AHCYL2: variants seen among roughly 807,000 people sequenced by gnomAD.
AHCYL2 encodes the protein S-adenosylhomocysteine hydrolase-like protein 2.
A neutral mutation model predicts 81.4 loss-of-function variants in AHCYL2; 28 were observed. The observed-to-expected ratio is 0.34, with a 90% CI of 0.25 to 0.47. The LOEUF (loss-of-function observed/expected upper bound fraction) is 0.47, where lower values mean the gene tolerates loss of function less well. AHCYL2 is among the 20% of genes least tolerant of loss of function. The probability of loss-of-function intolerance (pLI) is 1.00; values close to 1 mark genes in which losing one functional copy is unlikely to be tolerated. For synonymous variants in AHCYL2, 272 were observed against 290.2 expected, an observed-to-expected ratio of 0.94 and a Z score of 0.64; for missense variants, 551 against 785.1, an observed-to-expected ratio of 0.70 and a Z score of 3.56.
intron 1 of AHCYL2, among the ~76,000 whole-genome samples, chr7:129,271,268 G>A (rs1180424128): frequency 6.8e-6 from 1 of 147,774 alleles, no homozygotes; most frequent in Non-Finnish European, 1.5e-5. Flanking sequence ...GGCTAAGGCA[G>A]AAGAATGGCG....
At chr7:129,297,689 G>A (rs1381974802) in intron 1 of AHCYL2, among the ~76,000 whole-genome samples, 1 of 152,024 alleles carries the variant, frequency 6.6e-6, no homozygotes, top group African/African-American at 2.4e-5. Context: ...ATGAGTGAAA[G>A]TATATGGTGT....
At chr7:129,346,373 A>G (rs1793361532) in intron 1 of AHCYL2, among the ~76,000 whole-genome samples, 1 of 152,148 alleles carries the variant, frequency 6.6e-6, no homozygotes, top group Non-Finnish European at 1.5e-5. Flanking sequence ...GAGAGAAAAT[A>G]TTTGCATAAG....
At chr7:129,321,240 C>G (rs757568167) in intron 1 of AHCYL2, among the ~76,000 whole-genome samples, 3 of 152,100 alleles carry the variant, frequency 2.0e-5, no homozygotes, top group Non-Finnish European at 4.4e-5. Flanking sequence ...GATTCTTGTT[C>G]TCAATGTTAA....
At chr7:129,255,721 G>A (rs766173210) in intron 1 of AHCYL2, among the ~76,000 whole-genome samples, 1 of 152,168 alleles carries the variant, frequency 6.6e-6, no homozygotes, top group Non-Finnish European at 1.5e-5. Context: ...GGTGGTCCAC[G>A]CCTGTAATCC....
chr7:129,358,357 A>G (rs917309350), intron 1 of AHCYL2, among the ~76,000 whole-genome samples: 1 of 151,848 alleles, frequency 6.6e-6, no homozygotes. Flanking sequence ...GCGCCACTGC[A>G]CTCCAGCCTG....
intron 1 of AHCYL2, among the ~76,000 whole-genome samples, chr7:129,274,916 A>G (rs1283118266): frequency 6.6e-6 from 1 of 152,190 alleles, no homozygotes; most frequent in Non-Finnish European, 1.5e-5. Flanking sequence ...CATCTCAGCC[A>G]TCTTCATCCT....
chr7:129,423,724 T>C (rs34822917), intron 13 of AHCYL2, among the ~76,000 whole-genome samples: 3,664 of 152,254 alleles, frequency 0.024, 74 homozygotes, highest in Admixed American at 0.057. Flanking sequence ...TATGAAAATG[T>C]AAAATATACA....
At chr7:129,325,134 A>G (rs1198969624) in intron 1 of AHCYL2, among the ~76,000 whole-genome samples, 2 of 152,074 alleles carry the variant, frequency 1.3e-5, no homozygotes, top group African/African-American at 4.8e-5. Flanking sequence ...TCTTTTGTGT[A>G]GATCTGTCTT....
At chr7:129,288,134 A>T (rs1796703674) in intron 1 of AHCYL2, among the ~76,000 whole-genome samples, 1 of 152,212 alleles carries the variant, frequency 6.6e-6, no homozygotes, top group African/African-American at 2.4e-5. Flanking sequence ...TTGAATCAGG[A>T]TACAAATGAG....
intron 1 of AHCYL2, among the ~76,000 whole-genome samples, chr7:129,370,521 A>T (rs1298733459): frequency 6.6e-6 from 1 of 152,016 alleles, no homozygotes. Context: ...ACACAGTGAA[A>T]CCCGGTCTCT....
At chr7:129,424,006 A>G (rs1356048059) in intron 13 of AHCYL2, among the ~76,000 whole-genome samples, 1 of 152,162 alleles carries the variant, frequency 6.6e-6, no homozygotes, top group African/African-American at 2.4e-5. Flanking sequence ...AAAAGCAAGT[A>G]CCATGGGTGT....
intron 1 of AHCYL2, among the ~76,000 whole-genome samples, chr7:129,234,262 C>T (rs536895222): frequency 6.6e-6 from 1 of 151,844 alleles, no homozygotes; most frequent in Non-Finnish European, 1.5e-5. Context: ...TTTTTTCCCC[C>T]TAGATGGAGC....
chr7:129,314,366 C>G (rs1797762791), intron 1 of AHCYL2, among the ~76,000 whole-genome samples: 1 of 152,108 alleles, frequency 6.6e-6, no homozygotes. Flanking sequence ...AACTCATTGA[C>G]TGTAGGAATT....
At chr7:129,248,354 A>G (rs1279260093) in intron 1 of AHCYL2, among the ~76,000 whole-genome samples, 1 of 152,222 alleles carries the variant, frequency 6.6e-6, no homozygotes, top group Non-Finnish European at 1.5e-5. Flanking sequence ...ATGGCATAGT[A>G]TTGCATATAA....
At chr7:129,362,420 G>C (rs993972841) in intron 1 of AHCYL2, among the ~76,000 whole-genome samples, 3 of 151,988 alleles carry the variant, frequency 2.0e-5, no homozygotes, top group Non-Finnish European at 4.4e-5. Flanking sequence ...CAACAATGCC[G>C]GTGTCTGTGA....
intron 1 of AHCYL2, among the ~76,000 whole-genome samples, chr7:129,347,508 TAA>T (rs1793404712): frequency 6.6e-6 from 1 of 152,182 alleles, no homozygotes; most frequent in South Asian, 2.1e-4. Flanking sequence ...ACAGGTCAAA[TAA>T]CTAAGGACTA....
chr7:129,243,563 T>C (rs1237068828), intron 1 of AHCYL2, among the ~76,000 whole-genome samples: 4 of 106,154 alleles, frequency 3.8e-5, no homozygotes, highest in African/African-American at 5.1e-5. Flanking sequence ...TTATGTCTTT[T>C]GTTTGTTTTT....
rs142981313 is a variant in AHCYL2, at chr7:129,263,900, T to C, written c.363+38461T>C. 6.6e-3 allele frequency among the ~76,000 whole-genome samples: 1,002 copies of C among 152,308 alleles called. 6 individuals are homozygous for C. The highest frequency in any genetic ancestry group is 0.011 in the Non-Finnish European group (767 of 68,028). On this transcript the variant is annotated intron_variant, in intron 1 of 16. Coordinates refer to ENST00000325006, the MANE Select transcript of AHCYL2 (RefSeq NM_015328.4). ...AGAGTTACCTCTGAGTCCTGGCTAT[T>C]GTGGGGAGAAATAAAAGAGAAGGAA...
In AHCYL2 at chr7:129,321,743, GTTTTTT is replaced by G; in HGVS notation, c.364-57879_364-57874del. On this transcript the variant is annotated intron_variant, in intron 1 of 16. Coordinates refer to ENST00000325006, the MANE Select transcript of AHCYL2 (RefSeq NM_015328.4). ...TGTATGGAATTTGTATTCTTTCTTTGTTTTTTTTTTTTTTTTTTTTTGGTCTTGGTT... is the reference window on the plus strand; with the variant it reads ...TGTATGGAATTTGTATTCTTTCTTTGTTTTTTTTTTTTTTTGGTCTTGGTT... Among the ~76,000 whole-genome samples the G allele has an allele frequency of 1.8e-3, 141 of 77,632 alleles. 1 individual carries two copies. The highest frequency in any genetic ancestry group is 3.3e-3 in the South Asian group (6 of 1,832). 50.9% of individuals were successfully genotyped at this position (77,632 alleles called of 152,430 possible). A position where few individuals can be genotyped will look rare whatever the true frequency, so the allele number is the denominator to read the frequency against.
Sources: allele counts gnomAD v4.1 joint callset (sites outside exome capture counted in the v4.1 genomes callset), GRCh38; gene constraint gnomAD v4.1.1; transcripts MANE v1.5; gene names NCBI Gene and HGNC (gene_info 2026-07-23, HGNC 2026-07-21).